The following GPC6 variants were observed in gnomAD, a reference collection of about 807,000 sequenced individuals.
GPC6 encodes the protein glypican-6.
Under a neutral mutation model 55.2 loss-of-function variants are expected in GPC6, and 14 were observed. That is an observed-to-expected ratio of 0.25 (90% confidence interval 0.17 to 0.40). The LOEUF (loss-of-function observed/expected upper bound fraction) is 0.40. GPC6 is among the 10% of genes least tolerant of loss of function. The probability of loss-of-function intolerance (pLI) is 1.00; values close to 1 mark genes in which losing one functional copy is unlikely to be tolerated. For synonymous variants in GPC6, 278 were observed against 259.6 expected (o/e 1.07, Z -0.68); for missense variants, 641 against 708.5 (o/e 0.90, Z 1.08).
intron 1 of GPC6, among the ~76,000 whole-genome samples, chr13:93,343,241 T>C (rs1880320206): frequency 6.7e-6 from 1 of 149,298 alleles, no homozygotes; most frequent in Admixed American, 6.9e-5. Context: ...CCCGGAATAA[T>C]TTGGCTGGCA....
chr13:93,413,837 C>T lies in GPC6; in HGVS notation c.161-131426C>T, dbSNP rs575753320. On this transcript the variant is annotated intron_variant, in intron 1 of 8. Transcript: ENST00000377047. ...TTTAAAATGATAAAGAATACACACT[C>T]AGGAATAATTCTGCACTTAAAAGGG... 2.6e-5 allele frequency among the ~76,000 whole-genome samples: 4 copies of T among 152,226 alleles called. No individual in the cohort carries two copies. The South Asian group carries it at 8.3e-4, about 32-fold the overall frequency.
intron 1 of GPC6, among the ~76,000 whole-genome samples, chr13:93,403,917 C>T (rs1163431724): frequency 1.3e-5 from 2 of 151,918 alleles, no homozygotes; most frequent in Non-Finnish European, 2.9e-5. Flanking sequence ...ATATACCTTT[C>T]TTATTGGAAA....
At chr13:93,553,850 AAG>A (rs1555310740) in intron 2 of GPC6, among the ~76,000 whole-genome samples, 2 of 150,888 alleles carry the variant, frequency 1.3e-5, no homozygotes, top group Non-Finnish European at 1.5e-5. Flanking sequence ...GAGAGAGAGA[AAG>A]AGAGTTGGCC....
intron 3 of GPC6, among the ~76,000 whole-genome samples, chr13:93,937,552 A>G (rs1405227185): frequency 6.6e-6 from 1 of 152,104 alleles, no homozygotes; most frequent in Admixed American, 6.6e-5. Context: ...AAGTTGAGCA[A>G]TCTTTGTATA....
intron 1 of GPC6, among the ~76,000 whole-genome samples, chr13:93,423,358 G>C (rs898960403): frequency 5.9e-5 from 9 of 152,116 alleles, no homozygotes; most frequent in Admixed American, 5.9e-4. Context: ...AGGATTCCAT[G>C]TTTATAAAAG....
chr13:94,132,167 C>T (rs1452492419), intron 4 of GPC6, among the ~76,000 whole-genome samples: 1 of 152,104 alleles, frequency 6.6e-6, no homozygotes, highest in East Asian at 1.9e-4. Context: ...ACAGAAGACT[C>T]AATGGAGCAA....
intron 3 of GPC6, among the ~76,000 whole-genome samples, chr13:93,999,687 T>G (rs1433371569): frequency 6.6e-6 from 1 of 152,152 alleles, no homozygotes; most frequent in Admixed American, 6.5e-5. Context: ...CATCAGTTGA[T>G]GGACACTTAG....
At chr13:93,659,101 C>A (rs1194955607) in intron 2 of GPC6, among the ~76,000 whole-genome samples, 3 of 151,804 alleles carry the variant, frequency 2.0e-5, no homozygotes, top group Non-Finnish European at 4.4e-5. Flanking sequence ...AAGTTATATT[C>A]TTCAAGGAGT....
chr13:94,126,981 T>C (rs1307682428), intron 4 of GPC6, among the ~76,000 whole-genome samples: 1 of 152,160 alleles, frequency 6.6e-6, no homozygotes, highest in Non-Finnish European at 1.5e-5. Context: ...CTTTTGATTT[T>C]TTTAAATCCT....
Position 93,227,704 on chromosome 13 carries a change from G to A in GPC6, c.160+88G>A. 9.4e-7 allele frequency: 1 copy of A among 1,059,326 alleles called. No individual in the cohort carries two copies. The highest frequency in any genetic ancestry group is 1.4e-6 in the Non-Finnish European group (1 of 729,382). The allele number at this position is 1,059,326 out of a possible 1,614,324, so 65.6% of individuals were successfully genotyped here. A position where few individuals can be genotyped will look rare whatever the true frequency, so the allele number is the denominator to read the frequency against. On this transcript the variant is annotated intron_variant, in intron 1 of 8. Coordinates refer to ENST00000377047, the MANE Select transcript of GPC6 (RefSeq NM_005708.5). This position sits in a 1 kb window ranked among gnomAD's most constrained non-coding sequence, Gnocchi z 4.3. ...GCCCGGCGTCCCCTTCCTTCCCCCTGTTGCTGAGTTGGTGCTCACTTTCTG... is the reference window on the plus strand; with the variant it reads ...GCCCGGCGTCCCCTTCCTTCCCCCTATTGCTGAGTTGGTGCTCACTTTCTG...
At chr13:94,166,002 G>C (rs1307519883) in intron 4 of GPC6, among the ~76,000 whole-genome samples, 1 of 152,040 alleles carries the variant, frequency 6.6e-6, no homozygotes, top group African/African-American at 2.4e-5. Flanking sequence ...CCAAGTATAA[G>C]CTTTAAAAAG....
intron 3 of GPC6, among the ~76,000 whole-genome samples, chr13:93,889,192 C>T (rs975054331): frequency 1.3e-5 from 2 of 152,046 alleles, no homozygotes; most frequent in African/African-American, 4.8e-5. Flanking sequence ...TTTATATACT[C>T]ACTGCTCACT....
At chr13:94,279,644 G>C (rs1394376193) in intron 4 of GPC6, among the ~76,000 whole-genome samples, 1 of 151,750 alleles carries the variant, frequency 6.6e-6, no homozygotes, top group Admixed American at 6.6e-5. Context: ...TATGCTGTCT[G>C]TTTATTCTAT....
chr13:94,342,612 G>A (rs1230306135), intron 6 of GPC6, among the ~76,000 whole-genome samples: 3 of 152,148 alleles, frequency 2.0e-5, no homozygotes, highest in Non-Finnish European at 4.4e-5. Flanking sequence ...GTTGTTTTAA[G>A]TCACCCCGTT....
chr13:94,158,487 A>G (rs958727759), intron 4 of GPC6, among the ~76,000 whole-genome samples: 1 of 152,156 alleles, frequency 6.6e-6, no homozygotes, highest in Non-Finnish European at 1.5e-5. Context: ...TTTAAATGCA[A>G]TTTAGAAAAA....
intron 1 of GPC6, among the ~76,000 whole-genome samples, chr13:93,473,533 C>T (rs1879201062): frequency 6.6e-6 from 1 of 152,170 alleles, no homozygotes; most frequent in African/African-American, 2.4e-5. Context: ...GTGCAGAATC[C>T]AGAGATGCCT....
intron 7 of GPC6, 91 bp from the exon 8 acceptor site, chr13:94,398,374 CA>C: frequency 5.1e-6 from 5 of 973,246 alleles, no homozygotes; most frequent in Non-Finnish European, 8.2e-6. Context: ...GGCTGACTGT[CA>C]GAGACAGTCA....
chr13:93,655,867 T>C (rs915045244), intron 2 of GPC6, among the ~76,000 whole-genome samples: 5 of 152,208 alleles, frequency 3.3e-5, no homozygotes, highest in African/African-American at 1.2e-4. Flanking sequence ...TGTCAAATGA[T>C]GGTCTTGTAG....
intron 3 of GPC6, among the ~76,000 whole-genome samples, chr13:94,016,984 G>A (rs1361845782): frequency 3.9e-5 from 6 of 152,008 alleles, no homozygotes; most frequent in Admixed American, 6.6e-5. Context: ...ACAGGTGCCC[G>A]CCACCATGCC....
Sources: gnomAD v4.1 joint callset for allele counts (sites outside exome capture counted in the v4.1 genomes callset) on GRCh38, gnomAD v4.1.1 for gene constraint, Gnocchi (gnomAD v3.1) non-coding constraint, MANE v1.5 for transcripts, NCBI Gene and HGNC (gene_info 2026-07-23, HGNC 2026-07-21) for gene names.